The following DIS3L2 variants were observed in gnomAD, a reference collection of about 807,000 sequenced individuals.
DIS3L2 encodes the protein DIS3-like exonuclease 2.
DIS3L2 carries 34 observed loss-of-function variants against 97.5 expected under a neutral mutation model. The ratio of observed to expected loss-of-function variants is 0.35; its 90% CI spans 0.27 to 0.46. The LOEUF is 0.46. Ranked by LOEUF, DIS3L2 falls within the 20% of genes least tolerant of loss-of-function variation. The probability of loss-of-function intolerance (pLI) is 1.00; values close to 1 mark genes in which losing one functional copy is unlikely to be tolerated. For missense variants in DIS3L2, 1,038 were observed against 1,146.0 expected, an observed-to-expected ratio of 0.91 and a Z score of 1.36; for synonymous variants, 435 against 445.2, an observed-to-expected ratio of 0.98 and a Z score of 0.29.
intron 13 of DIS3L2, among the ~76,000 whole-genome samples, chr2:232,290,820 T>G (rs1694580734): frequency 6.6e-6 from 1 of 152,180 alleles, no homozygotes; most frequent in Non-Finnish European, 1.5e-5. Context: ...CGCTATAGAC[T>G]TTCCAACACT....
At chr2:232,104,981 C>G (rs183710434) in intron 6 of DIS3L2, among the ~76,000 whole-genome samples, 7 of 152,152 alleles carry the variant, frequency 4.6e-5, no homozygotes, top group East Asian at 3.9e-4. Context: ...CCACACCCAG[C>G]TAATTTTTGT....
chr2:232,055,465 A>G (rs773121710), intron 5 of DIS3L2, among the ~76,000 whole-genome samples: 5 of 152,242 alleles, frequency 3.3e-5, no homozygotes, highest in African/African-American at 7.2e-5. Flanking sequence ...AAACGACACA[A>G]TGTTATCAAA....
At chr2:232,143,543 A>G (rs1690128073) in intron 8 of DIS3L2, among the ~76,000 whole-genome samples, 1 of 152,172 alleles carries the variant, frequency 6.6e-6, no homozygotes, top group Non-Finnish European at 1.5e-5. Flanking sequence ...TTGAATATTT[A>G]CTGTTAAATT....
At chr2:232,324,282 T>A (rs1695515955) in intron 14 of DIS3L2, among the ~76,000 whole-genome samples, 1 of 152,202 alleles carries the variant, frequency 6.6e-6, no homozygotes, top group African/African-American at 2.4e-5. Context: ...GAAATGAGGC[T>A]GAAATTGGCT....
intron 12 of DIS3L2, among the ~76,000 whole-genome samples, chr2:232,259,643 G>A (rs1165393315): frequency 2.0e-5 from 3 of 151,990 alleles, no homozygotes; most frequent in Non-Finnish European, 1.5e-5. Flanking sequence ...TTTTGAGACC[G>A]AGTCTCACTG....
chr2:232,131,943 C>CAAAAA (rs33952490), intron 7 of DIS3L2: 9 of 36,442 alleles, frequency 2.5e-4, no homozygotes, highest in Non-Finnish European at 3.3e-4. Flanking sequence ...TGGCTTTCAG[C>CAAAAA]AAAAAAAAAA....
intron 14 of DIS3L2, chr2:232,328,527 A>G (rs1695639775): frequency 6.6e-6 from 1 of 151,928 alleles, no homozygotes; most frequent in Non-Finnish European, 1.5e-5. Flanking sequence ...TCTTTCCACG[A>G]GCATGGCCAG....
intron 20 of DIS3L2, chr2:232,336,215 G>C: frequency 5.2e-6 from 8 of 1,537,606 alleles, no homozygotes; most frequent in Non-Finnish European, 6.1e-6. Context: ...CACCAACAGT[G>C]TGCCCTGAAC....
At chr2:232,084,799 C>A (rs532253331) in intron 5 of DIS3L2, among the ~76,000 whole-genome samples, 50 of 145,552 alleles carry the variant, frequency 3.4e-4, no homozygotes, top group African/African-American at 3.0e-4. Flanking sequence ...CAGTTTTGCT[C>A]AAAAAAAAAA....
chr2:232,321,615 C>T (rs1695434741), intron 14 of DIS3L2, among the ~76,000 whole-genome samples: 5 of 152,102 alleles, frequency 3.3e-5, no homozygotes, highest in South Asian at 2.1e-4. Flanking sequence ...TCGGCAGTGA[C>T]GCGAAACCAA....
intron 5 of DIS3L2, among the ~76,000 whole-genome samples, chr2:232,059,032 A>G (rs969970532): frequency 3.6e-4 from 55 of 152,278 alleles, no homozygotes; most frequent in African/African-American, 1.3e-3. Flanking sequence ...TAGAAATATT[A>G]AAATAGTGCT....
intron 7 of DIS3L2, among the ~76,000 whole-genome samples, chr2:232,133,056 G>A (rs1340939402): frequency 1.3e-5 from 2 of 152,154 alleles, no homozygotes; most frequent in African/African-American, 4.8e-5. Context: ...ATGGGTGTGT[G>A]GTCCAGGAAG....
chr2:231,981,158 A>C (rs1050666366), intron 1 of DIS3L2, among the ~76,000 whole-genome samples: 1 of 152,034 alleles, frequency 6.6e-6, no homozygotes, highest in African/African-American at 2.4e-5. Context: ...TGGGCAGGCT[A>C]GTCTTGAAAT....
chr2:232,008,483 G>A (rs918056233), intron 1 of DIS3L2, among the ~76,000 whole-genome samples: 1 of 152,022 alleles, frequency 6.6e-6, no homozygotes, highest in Non-Finnish European at 1.5e-5. Flanking sequence ...GACACCCTGT[G>A]GAGGTAGAAA....
intron 1 of DIS3L2, among the ~76,000 whole-genome samples, chr2:231,985,920 C>G (rs1347530290): frequency 1.3e-5 from 2 of 152,158 alleles, no homozygotes; most frequent in Admixed American, 1.3e-4. Context: ...GAGAGGAAGA[C>G]CCACCCTCTG....
chr2:232,058,076 A>G (rs1402697144), intron 5 of DIS3L2, among the ~76,000 whole-genome samples: 1 of 152,216 alleles, frequency 6.6e-6, no homozygotes, highest in Non-Finnish European at 1.5e-5. Flanking sequence ...GAACACAAGC[A>G]GATTTGGTCA....
At chr2:232,127,070 C>T (rs769421668) in intron 6 of DIS3L2, among the ~76,000 whole-genome samples, 1 of 152,164 alleles carries the variant, frequency 6.6e-6, no homozygotes, top group Non-Finnish European at 1.5e-5. Context: ...GTGTGGTGCA[C>T]TGGAAGAGTT....
chr2:231,975,942 C>T (rs1283708628), intron 1 of DIS3L2, among the ~76,000 whole-genome samples: 1 of 151,996 alleles, frequency 6.6e-6, no homozygotes, highest in Non-Finnish European at 1.5e-5. Flanking sequence ...CTTCTTCTCT[C>T]TCTCTCTTAC....
At chr2:232,036,917 G>T (rs1055724766) in intron 5 of DIS3L2, among the ~76,000 whole-genome samples, 1 of 152,138 alleles carries the variant, frequency 6.6e-6, no homozygotes, top group Non-Finnish European at 1.5e-5. Context: ...AGAGGCACCC[G>T]CCAGATGCCA....
Sources: gnomAD v4.1 joint callset for allele counts (sites outside exome capture counted in the v4.1 genomes callset) on GRCh38, gnomAD v4.1.1 for gene constraint, MANE v1.5 for transcripts, NCBI Gene and HGNC (gene_info 2026-07-23, HGNC 2026-07-21) for gene names.